The following DPP4 variants were observed in gnomAD, a reference collection of about 807,000 sequenced individuals.
The protein encoded by DPP4 is ADCP-2.
DPP4 carries 93 observed loss-of-function variants against 122.4 expected under a neutral mutation model. The observed-to-expected ratio is 0.76, with a 90% CI of 0.64 to 0.90. The LOEUF (loss-of-function observed/expected upper bound fraction) is 0.90, where lower values mean the gene tolerates loss of function less well. Among genes scored for constraint, DPP4 ranks in the 40% least tolerant of loss-of-function variants. The probability of loss-of-function intolerance (pLI) is 0.00; values close to 1 mark genes in which losing one functional copy is unlikely to be tolerated. For missense variants in DPP4, 914 were observed against 907.3 expected, an observed-to-expected ratio of 1.01 and a Z score of -0.09; for synonymous variants, 321 against 302.9, an observed-to-expected ratio of 1.06 and a Z score of -0.62.
intron 4 of DPP4, chr2:162,046,682 G>C (rs1023917666): frequency 3.4e-6 from 2 of 588,208 alleles, no homozygotes; most frequent in Admixed American, 2.2e-5. Flanking sequence ...AATGAAGATG[G>C]AGCCCCAAGG....
chr2:162,029,384 G>T (rs920888241), intron 10 of DPP4, among the ~76,000 whole-genome samples: 4 of 152,236 alleles, frequency 2.6e-5, no homozygotes, highest in African/African-American at 4.8e-5. Context: ...CGGGCATACT[G>T]CCAGTGCTGG....
intron 10 of DPP4, among the ~76,000 whole-genome samples, chr2:162,027,636 G>A (rs1244060464): frequency 6.6e-6 from 1 of 152,172 alleles, no homozygotes; most frequent in Admixed American, 6.5e-5. Flanking sequence ...CTCTGGTAGA[G>A]CGAAGGGGTA....
intron 2 of DPP4, among the ~76,000 whole-genome samples, chr2:162,050,677 C>T (rs1169402099): frequency 6.6e-6 from 1 of 152,198 alleles, no homozygotes; most frequent in Non-Finnish European, 1.5e-5. Context: ...ACAAATGTTC[C>T]TTGTTTTTAG....
chr2:162,035,738 C>T (rs889387280), intron 8 of DPP4, among the ~76,000 whole-genome samples: 2 of 152,090 alleles, frequency 1.3e-5, no homozygotes, highest in Non-Finnish European at 2.9e-5. Context: ...ACTGAGCCCG[C>T]AGGGTACTGG....
chr2:162,023,731 G>A (rs935622235), intron 11 of DPP4, among the ~76,000 whole-genome samples: 77 of 152,136 alleles, frequency 5.1e-4, no homozygotes, highest in African/African-American at 1.8e-3. Context: ...GTATTATGAG[G>A]ATTTCATTGG....
intron 8 of DPP4, among the ~76,000 whole-genome samples, chr2:162,036,989 G>GT (rs896856455): frequency 2.6e-5 from 4 of 152,146 alleles, no homozygotes; most frequent in South Asian, 4.1e-4. Context: ...CCAAGATTTT[G>GT]TTTTTTAGAA....
intron 2 of DPP4, among the ~76,000 whole-genome samples, chr2:162,061,988 C>T (rs1420964386): frequency 1.3e-5 from 2 of 151,986 alleles, no homozygotes; most frequent in African/African-American, 4.8e-5. Context: ...TGGTCGCCAG[C>T]CTGGGCATGG....
chr2:162,069,716 A>G (rs915630338), intron 2 of DPP4, among the ~76,000 whole-genome samples: 8 of 152,170 alleles, frequency 5.3e-5, no homozygotes, highest in Non-Finnish European at 1.0e-4. Flanking sequence ...ATTCAGGCGC[A>G]TTTCTGTGCT....
intron 13 of DPP4, 93 bp downstream of exon 13, chr2:162,020,488 A>G: frequency 9.2e-7 from 1 of 1,087,872 alleles, no homozygotes; most frequent in East Asian, 2.5e-5. Context: ...TTTTATACAC[A>G]TTGATCCACC....
At position 162,009,551 on chromosome 2, in the gene DPP4, G is replaced by GTGTGTGTA. The variant is rs1236364660; in HGVS notation, c.1833-257_1833-256insTACACACA. On this transcript the variant is annotated intron_variant, in intron 20 of 25. Transcript: ENST00000360534. Reference sequence around the variant, plus strand: ...TGTGTGTGTGTGTGTGTGTGTGTGTGTATGATTCACAGAAAACAAATCCTG... The same window carrying GTGTGTGTA: ...TGTGTGTGTGTGTGTGTGTGTGTGTGTGTGTGTATATGATTCACAGAAAACAAATCCTG... Among the ~76,000 whole-genome samples the GTGTGTGTA allele has an allele frequency of 2.0e-5, 3 of 149,470 alleles. No homozygotes were observed. The East Asian group carries it at 5.9e-4, about 29-fold the overall frequency.
intron 5 of DPP4, among the ~76,000 whole-genome samples, chr2:162,043,853 C>T (rs1428072454): frequency 1.3e-5 from 2 of 152,048 alleles, no homozygotes; most frequent in African/African-American, 4.8e-5. Context: ...CACAGTGAGA[C>T]CCTATTTCTA....
intron 10 of DPP4, among the ~76,000 whole-genome samples, chr2:162,025,860 G>GT (rs2106108623): frequency 6.6e-6 from 1 of 152,182 alleles, no homozygotes; most frequent in East Asian, 1.9e-4. Flanking sequence ...TCTGGTGGCT[G>GT]TATCTCCTCC....
intron 15 of DPP4, 41 bp downstream of exon 15, chr2:162,019,182 A>G: frequency 6.5e-7 from 1 of 1,532,012 alleles, no homozygotes; most frequent in Non-Finnish European, 9.0e-7. Context: ...ATTGTTCGTC[A>G]GCTAAAATGA....
intron 2 of DPP4, among the ~76,000 whole-genome samples, chr2:162,051,121 A>G (rs532223323): frequency 6.6e-4 from 101 of 152,344 alleles, no homozygotes; most frequent in African/African-American, 2.4e-3. Context: ...AGCAACTATT[A>G]GCTTGAACCG....
chr2:162,025,031 A>G (rs139602726), intron 10 of DPP4, 92 bp from the exon 11 acceptor site: 3 of 1,395,304 alleles, frequency 2.2e-6, no homozygotes, highest in African/African-American at 2.9e-5. Context: ...CTCAGTGAAA[A>G]GAAATCAATC....
chr2:162,025,569 A>T (rs1683294936), intron 10 of DPP4, among the ~76,000 whole-genome samples: 1 of 152,188 alleles, frequency 6.6e-6, no homozygotes, highest in Admixed American at 6.5e-5. Flanking sequence ...ATGTAAACAG[A>T]GGTATCTCTA....
intron 2 of DPP4, among the ~76,000 whole-genome samples, chr2:162,061,883 T>C (rs768420075): frequency 2.0e-5 from 3 of 152,184 alleles, no homozygotes; most frequent in African/African-American, 7.2e-5. Flanking sequence ...CAATGCCATA[T>C]GCTAGGTGGT....
intron 2 of DPP4, among the ~76,000 whole-genome samples, chr2:162,048,108 G>A (rs1174208877): frequency 6.6e-6 from 1 of 152,056 alleles, no homozygotes; most frequent in Non-Finnish European, 1.5e-5. Flanking sequence ...CCAGTTTCAG[G>A]CCCTCCTGCT....
chr2:162,027,654 G>A (rs1244708779), intron 10 of DPP4, among the ~76,000 whole-genome samples: 1 of 152,082 alleles, frequency 6.6e-6, no homozygotes, highest in Non-Finnish European at 1.5e-5. Flanking sequence ...GTATGTGATG[G>A]GGGGAACAAC....
Sources: gnomAD v4.1 joint callset for allele counts (sites outside exome capture counted in the v4.1 genomes callset) on GRCh38, gnomAD v4.1.1 for gene constraint, MANE v1.5 for transcripts, NCBI Gene and HGNC (gene_info 2026-07-23, HGNC 2026-07-21) for gene names.